Variants in C2orf76 observed in about 807,000 individuals in gnomAD.
The protein encoded by C2orf76 is UPF0538 protein C2orf76.
In C2orf76, 23 loss-of-function variants were observed where a neutral mutation model predicts 16.9. The observed-to-expected ratio is 1.36, with a 90% confidence interval of 0.98 to 1.93. The LOEUF is 1.93. C2orf76 is among the 30% of genes most tolerant of loss of function. The probability of loss-of-function intolerance (pLI) is 0.00; values close to 1 mark genes in which losing one functional copy is unlikely to be tolerated. For missense variants in C2orf76, 152 were observed against 152.6 expected, an observed-to-expected ratio of 1.00 and a Z score of 0.02; for synonymous variants, 48 against 52.3, an observed-to-expected ratio of 0.92 and a Z score of 0.35.
At chr2:119,297,426 G>C (rs1337629019), downstream of C2orf76, among the ~76,000 whole-genome samples, 1 of 152,160 alleles carries the variant, frequency 6.6e-6, no homozygotes, top group Non-Finnish European at 1.5e-5. Flanking sequence ...AAGAAAAAAA[G>C]GTCTGAAAGT....
chr2:119,360,889 A>G (rs1680723709), intron 1 of C2orf76, among the ~76,000 whole-genome samples: 1 of 152,258 alleles, frequency 6.6e-6, no homozygotes, highest in African/African-American at 2.4e-5. Flanking sequence ...CAAAAAGGCT[A>G]TATACCACAA....
intron 1 of C2orf76, among the ~76,000 whole-genome samples, chr2:119,345,930 G>A (rs1362313300): frequency 4.6e-5 from 7 of 151,538 alleles, no homozygotes; most frequent in Non-Finnish European, 8.8e-5. Flanking sequence ...GCATGGTGGC[G>A]GGCGCCTGTA....
intron 5 of C2orf76, chr2:119,311,258 T>C: frequency 3.0e-6 from 3 of 985,454 alleles, no homozygotes; most frequent in Non-Finnish European, 3.6e-6. Context: ...CGTTTCATTA[T>C]TCCTCATTAG....
intron 1 of C2orf76, among the ~76,000 whole-genome samples, chr2:119,350,068 CGCCCCCCGCCCCCCCACCG>C (rs1680339447): frequency 1.3e-5 from 1 of 75,958 alleles, no homozygotes; most frequent in Non-Finnish European, 2.8e-5. Context: ...CCGCCCACAC[CGCCCCCCGCCCCCCCACCG>C]TCCCGCGTAA....
chr2:119,355,504 T>A (rs1247031741), intron 1 of C2orf76, among the ~76,000 whole-genome samples: 1 of 152,216 alleles, frequency 6.6e-6, no homozygotes, highest in Non-Finnish European at 1.5e-5. Context: ...GTTCTACAGC[T>A]GTGACATAAA....
In C2orf76 at chr2:119,311,701, T is replaced by A. The variant is rs780309530; in HGVS notation, c.225A>T (p.Thr75=). 4.4e-6 allele frequency: 7 copies of A among 1,597,252 alleles called. No individual in the cohort carries two copies. The highest frequency in any genetic ancestry group is 1.7e-4 in the Middle Eastern group (1 of 6,010). The stretch of plus-strand genomic sequence containing the variant: ...CTTCCAAACTCAACACAAGTTCATT[T>A]GTCTAAAAAAAAAAAAGAAAATCTG... ...KIIHQAHKSK[T]NELVLSLEDD... Residue 75 remains threonine (T), a splice_region_variant and synonymous_variant, in exon 5 of 6, where the codon ACA becomes ACT. Coordinates refer to ENST00000334816, the MANE Select transcript of C2orf76 (RefSeq NM_001322331.2).
At chr2:119,307,034 A>G (rs759346038) in intron 5 of C2orf76, among the ~76,000 whole-genome samples, 2 of 152,132 alleles carry the variant, frequency 1.3e-5, no homozygotes, top group African/African-American at 2.4e-5. Context: ...ACAGCTCTAC[A>G]GCAAGATCAA....
chr2:119,349,989 C>T (rs1290812183), intron 1 of C2orf76, among the ~76,000 whole-genome samples: 1 of 150,534 alleles, frequency 6.6e-6, no homozygotes, highest in African/African-American at 2.5e-5. Flanking sequence ...GTATTGAACT[C>T]CTGGGCTCAA....
At chr2:119,338,079 T>A (rs550818354) in intron 2 of C2orf76, among the ~76,000 whole-genome samples, 1 of 152,358 alleles carries the variant, frequency 6.6e-6, no homozygotes, top group South Asian at 2.1e-4. Flanking sequence ...TTTCAAACTC[T>A]GACTATGCTT....
intron 1 of C2orf76, 35 bp from the exon 2 acceptor site, chr2:119,340,006 G>C: frequency 1.3e-6 from 2 of 1,587,366 alleles, no homozygotes; most frequent in Non-Finnish European, 1.7e-6. Context: ...TCTAAATGAA[G>C]CCAGCTCACA....
At chr2:119,321,533 T>C (rs564913868) in intron 2 of C2orf76, among the ~76,000 whole-genome samples, 23 of 152,180 alleles carry the variant, frequency 1.5e-4, no homozygotes, top group African/African-American at 4.8e-4. Context: ...GAACTGCCCT[T>C]TATAAAACCA....
chr2:119,293,182 C>T, the C2orf76 span, among the ~76,000 whole-genome samples: 1 of 152,196 alleles, frequency 6.6e-6, no homozygotes. Flanking sequence ...GAAGACGGAA[C>T]AGAAAAGGAT....
At chr2:119,319,405 C>T (rs1351674370) in intron 3 of C2orf76, among the ~76,000 whole-genome samples, 1 of 152,084 alleles carries the variant, frequency 6.6e-6, no homozygotes, top group Non-Finnish European at 1.5e-5. Context: ...AAGCTGCTTC[C>T]CTTGTTCTTG....
chr2:119,317,367 G>A (rs1679202370), intron 4 of C2orf76, 99 bp downstream of exon 4: 2 of 815,680 alleles, frequency 2.5e-6, no homozygotes, highest in Admixed American at 3.5e-5. Context: ...TATTATAATG[G>A]GAAATATTTT....
chr2:119,304,999 G>A (rs1052808141), intron 5 of C2orf76, among the ~76,000 whole-genome samples: 48 of 152,174 alleles, frequency 3.2e-4, no homozygotes, highest in Non-Finnish European at 5.9e-4. Flanking sequence ...AGTCTACCTT[G>A]TGCTGGTCCC....
intron 1 of C2orf76, among the ~76,000 whole-genome samples, chr2:119,350,462 G>A (rs897128432): frequency 6.6e-6 from 1 of 152,066 alleles, no homozygotes; most frequent in Admixed American, 6.6e-5. Flanking sequence ...GCTAGTTTGG[G>A]GCAATGCAGA....
intron 1 of C2orf76, among the ~76,000 whole-genome samples, chr2:119,354,730 A>G (rs1680515626): frequency 6.6e-6 from 1 of 152,226 alleles, no homozygotes; most frequent in Non-Finnish European, 1.5e-5. Flanking sequence ...ATTCATTTAT[A>G]AATGATTTCA....
At chr2:119,293,789 T>C in the C2orf76 span, among the ~76,000 whole-genome samples, 1 of 152,084 alleles carries the variant, frequency 6.6e-6, no homozygotes, top group South Asian at 2.1e-4. Context: ...AAAAGAGATA[T>C]ATATCCAAGG....
chr2:119,352,803 TATAG>T (rs945724340), intron 1 of C2orf76, among the ~76,000 whole-genome samples: 3 of 152,184 alleles, frequency 2.0e-5, no homozygotes, highest in Admixed American at 2.0e-4. Context: ...AGGTTATATA[TATAG>T]AGAGAGTGTA....
Sources: allele counts gnomAD v4.1 joint callset (sites outside exome capture counted in the v4.1 genomes callset), GRCh38; gene constraint gnomAD v4.1.1; transcripts MANE v1.5; gene names NCBI Gene and HGNC (gene_info 2026-07-23, HGNC 2026-07-21).